Variants in ARHGAP15 observed in about 807,000 individuals in gnomAD.
The protein encoded by ARHGAP15 is Rho GTPase activating protein 15, also known as rho GTPase-activating protein 15.
In ARHGAP15, 51 loss-of-function variants were observed where a neutral mutation model predicts 63.7. The observed-to-expected ratio is 0.80, with a 90% CI of 0.64 to 1.01. The LOEUF is 1.01. ARHGAP15 is among the 50% of genes least tolerant of loss of function. ARHGAP15 has a pLI of 0.00. For missense variants in ARHGAP15, 560 were observed against 564.6 expected (o/e 0.99, Z 0.08); for synonymous variants, 191 against 193.8 (o/e 0.99, Z 0.12).
chr2:143,371,076 G>A (rs113473560), intron 6 of ARHGAP15, among the ~76,000 whole-genome samples: 6 of 152,096 alleles, frequency 3.9e-5, no homozygotes, highest in African/African-American at 1.4e-4. Flanking sequence ...TCATTGTTTT[G>A]ACTGTAGACA....
intron 3 of ARHGAP15, among the ~76,000 whole-genome samples, chr2:143,206,107 A>G (rs1375886216): frequency 6.6e-6 from 1 of 152,140 alleles, no homozygotes; most frequent in Non-Finnish European, 1.5e-5. Context: ...CTTACCCTGA[A>G]GGAGCTTGGA....
intron 8 of ARHGAP15, among the ~76,000 whole-genome samples, chr2:143,483,462 A>G (rs981362837): frequency 1.3e-5 from 2 of 152,250 alleles, no homozygotes; most frequent in Admixed American, 6.5e-5. Flanking sequence ...GTGAGACCAG[A>G]AATCGAAAAT....
chr2:143,767,235 T>C (rs1032361262), intron 13 of ARHGAP15, among the ~76,000 whole-genome samples: 1 of 152,208 alleles, frequency 6.6e-6, no homozygotes, highest in Non-Finnish European at 1.5e-5. Flanking sequence ...GATGGGGCTT[T>C]ATTTTCTTTT....
intron 8 of ARHGAP15, among the ~76,000 whole-genome samples, chr2:143,444,576 G>T (rs1690047054): frequency 1.3e-5 from 2 of 152,052 alleles, no homozygotes; most frequent in Non-Finnish European, 1.5e-5. Context: ...TGTTTCTGAA[G>T]TATGGTAACT....
intron 6 of ARHGAP15, among the ~76,000 whole-genome samples, chr2:143,326,180 G>A (rs1486300938): frequency 6.6e-6 from 1 of 152,150 alleles, no homozygotes; most frequent in East Asian, 1.9e-4. Context: ...CTTATGCTAT[G>A]AGTGACCTAC....
At chr2:143,185,903 C>A (rs577286667) in intron 2 of ARHGAP15, among the ~76,000 whole-genome samples, 113 of 152,162 alleles carry the variant, frequency 7.4e-4, no homozygotes, top group African/African-American at 2.6e-3. Flanking sequence ...ACTTTAGACC[C>A]CAAATTAACT....
At chr2:143,239,460 C>T (rs939064646) in intron 5 of ARHGAP15, among the ~76,000 whole-genome samples, 2 of 152,100 alleles carry the variant, frequency 1.3e-5, no homozygotes, top group African/African-American at 4.8e-5. Flanking sequence ...TTCCCCCAAA[C>T]CCCCAGACCC....
intron 2 of ARHGAP15, among the ~76,000 whole-genome samples, chr2:143,179,973 ATAT>A (rs2105066922): frequency 6.6e-6 from 1 of 151,984 alleles, no homozygotes; most frequent in South Asian, 2.1e-4. Flanking sequence ...TCAAAGAGTC[ATAT>A]CCTTTTTGCT....
At chr2:143,188,229 T>C (rs1327808852) in intron 2 of ARHGAP15, among the ~76,000 whole-genome samples, 1 of 152,160 alleles carries the variant, frequency 6.6e-6, no homozygotes, top group Non-Finnish European at 1.5e-5. Flanking sequence ...TCACAATTTT[T>C]AGTTCAATTA....
chr2:143,196,912 A>C (rs1691905484), intron 2 of ARHGAP15, among the ~76,000 whole-genome samples: 1 of 151,974 alleles, frequency 6.6e-6, no homozygotes, highest in Non-Finnish European at 1.5e-5. Context: ...ATTTATTGAA[A>C]TAAAGTTGTA....
At chr2:143,443,524 G>A (rs1430056937) in intron 8 of ARHGAP15, among the ~76,000 whole-genome samples, 2 of 151,586 alleles carry the variant, frequency 1.3e-5, no homozygotes, top group Admixed American at 6.6e-5. Context: ...GCTAAAATGT[G>A]GAAACAAATC....
intron 2 of ARHGAP15, among the ~76,000 whole-genome samples, chr2:143,164,363 C>G (rs1690417689): frequency 6.6e-6 from 1 of 151,978 alleles, no homozygotes; most frequent in African/African-American, 2.4e-5. Context: ...CATGTTACAA[C>G]TAATTAGCAA....
intron 6 of ARHGAP15, among the ~76,000 whole-genome samples, chr2:143,295,869 T>A (rs7601485): frequency 0.39 from 59,458 of 151,766 alleles, 12,668 homozygotes; most frequent in Non-Finnish European, 0.49. Context: ...CACAGGAAAA[T>A]GAATACTGAG....
At chr2:143,459,234 A>C (rs1002767231) in intron 8 of ARHGAP15, among the ~76,000 whole-genome samples, 1 of 152,096 alleles carries the variant, frequency 6.6e-6, no homozygotes, top group Non-Finnish European at 1.5e-5. Context: ...GCTAATGAAA[A>C]AGAGTTGCAA....
chr2:143,527,899 GGCA>G (rs1422564877), intron 10 of ARHGAP15, among the ~76,000 whole-genome samples: 2 of 151,974 alleles, frequency 1.3e-5, no homozygotes, highest in South Asian at 2.1e-4. Context: ...GTTGGTTGAA[GGCA>G]GCTCAGAGAA....
At chr2:143,481,942 C>T (rs1692096365) in intron 8 of ARHGAP15, among the ~76,000 whole-genome samples, 1 of 152,130 alleles carries the variant, frequency 6.6e-6, no homozygotes, top group Non-Finnish European at 1.5e-5. Flanking sequence ...ATGCCTTTGG[C>T]CTGTGTGTTG....
chr2:143,373,820 T>C (rs1032323142), intron 6 of ARHGAP15, among the ~76,000 whole-genome samples: 8 of 152,036 alleles, frequency 5.3e-5, no homozygotes, highest in African/African-American at 1.7e-4. Flanking sequence ...TTATTAAATA[T>C]AAATATGACT....
intron 6 of ARHGAP15, among the ~76,000 whole-genome samples, chr2:143,262,435 A>G (rs1226593778): frequency 1.3e-5 from 2 of 150,940 alleles, no homozygotes; most frequent in Admixed American, 6.6e-5. Flanking sequence ...ACCTTCACTC[A>G]TTCTAGATTT....
intron 13 of ARHGAP15, among the ~76,000 whole-genome samples, chr2:143,708,046 A>ACTC (rs1684412503): frequency 6.6e-6 from 1 of 152,184 alleles, no homozygotes; most frequent in Non-Finnish European, 1.5e-5. Context: ...AAGGGAACAA[A>ACTC]GAAACCAGGC....
Sources: allele counts gnomAD v4.1 joint callset (sites outside exome capture counted in the v4.1 genomes callset), GRCh38; gene constraint gnomAD v4.1.1; transcripts MANE v1.5; gene names NCBI Gene and HGNC (gene_info 2026-07-23, HGNC 2026-07-21).